Variants in INPP4B observed in about 807,000 individuals in gnomAD.
INPP4B encodes inositol polyphosphate 4-phosphatase type II.
Under a neutral mutation model 122.5 loss-of-function variants are expected in INPP4B, and 55 were observed. That is an observed-to-expected ratio of 0.45 (90% CI 0.36 to 0.56). INPP4B has a LOEUF of 0.56. INPP4B is among the 20% of genes least tolerant of loss of function. The pLI is 0.00. For synonymous variants in INPP4B, 403 were observed against 388.7 expected, an observed-to-expected ratio of 1.04 and a Z score of -0.43; for missense variants, 1,000 against 1,097.7, an observed-to-expected ratio of 0.91 and a Z score of 1.26.
At chr4:142,433,807 G>A (rs1809848116) in intron 3 of INPP4B, among the ~76,000 whole-genome samples, 1 of 152,146 alleles carries the variant, frequency 6.6e-6, no homozygotes, top group South Asian at 2.1e-4. Flanking sequence ...GTGTTAAGGA[G>A]AATGCCCTTA....
intron 2 of INPP4B, among the ~76,000 whole-genome samples, chr4:142,629,961 A>G (rs1019858695): frequency 4.6e-5 from 7 of 152,118 alleles, no homozygotes; most frequent in African/African-American, 1.7e-4. Context: ...GTGATGATCC[A>G]AAGACAGGCA....
intron 21 of INPP4B, among the ~76,000 whole-genome samples, chr4:142,115,681 C>G (rs941147951): frequency 2.0e-5 from 3 of 152,154 alleles, no homozygotes; most frequent in African/African-American, 7.2e-5. Context: ...TGGAAAGGAA[C>G]AACTGGTAGC....
At chr4:142,743,500 C>T (rs545772777) in intron 1 of INPP4B, among the ~76,000 whole-genome samples, 2 of 151,996 alleles carry the variant, frequency 1.3e-5, no homozygotes, top group African/African-American at 4.8e-5. Flanking sequence ...AGAGTTACTG[C>T]TACTGATTGA....
At chr4:142,427,697 G>A (rs1040789791) in intron 5 of INPP4B, among the ~76,000 whole-genome samples, 1 of 151,942 alleles carries the variant, frequency 6.6e-6, no homozygotes, top group Non-Finnish European at 1.5e-5. Context: ...TCTCCAGCAG[G>A]CAAACAAGAA....
intron 2 of INPP4B, among the ~76,000 whole-genome samples, chr4:142,717,738 C>T (rs1044755367): frequency 8.6e-5 from 13 of 150,718 alleles, no homozygotes; most frequent in African/African-American, 3.2e-4. Flanking sequence ...CGGGGCCTGT[C>T]GTGGGGTGGG....
At chr4:142,277,577 G>A (rs929034918) in intron 9 of INPP4B, among the ~76,000 whole-genome samples, 5 of 151,534 alleles carry the variant, frequency 3.3e-5, no homozygotes, top group Non-Finnish European at 7.4e-5. Context: ...ATACTTGCAC[G>A]TGCATGTTTA....
At chr4:142,359,792 C>T (rs570948966) in intron 7 of INPP4B, among the ~76,000 whole-genome samples, 1 of 151,936 alleles carries the variant, frequency 6.6e-6, no homozygotes, top group South Asian at 2.1e-4. Context: ...TTTTGGTATC[C>T]CATACTTACT....
chr4:142,668,088 C>G (rs1756418573), intron 2 of INPP4B, among the ~76,000 whole-genome samples: 1 of 152,058 alleles, frequency 6.6e-6, no homozygotes, highest in African/African-American at 2.4e-5. Flanking sequence ...AAAAGGAAAA[C>G]TACAGGCCAA....
intron 1 of INPP4B, among the ~76,000 whole-genome samples, chr4:142,813,137 C>A (rs1779718905): frequency 6.6e-6 from 1 of 152,142 alleles, no homozygotes. Flanking sequence ...TTTCTAAACC[C>A]AGCAAAGAGA....
chr4:142,149,970 G>A (rs1026361698), intron 17 of INPP4B, among the ~76,000 whole-genome samples: 3 of 152,206 alleles, frequency 2.0e-5, no homozygotes, highest in African/African-American at 4.8e-5. Flanking sequence ...TTGAAACTAC[G>A]ATGCTAGAGA....
intron 7 of INPP4B, among the ~76,000 whole-genome samples, chr4:142,332,832 G>A (rs1775079518): frequency 6.8e-6 from 1 of 147,460 alleles, no homozygotes; most frequent in East Asian, 2.0e-4. Context: ...GCGAAATCCC[G>A]TCTCTACTAA....
At chr4:142,076,099 A>C (rs1233773712) in intron 25 of INPP4B, among the ~76,000 whole-genome samples, 2 of 152,050 alleles carry the variant, frequency 1.3e-5, no homozygotes, top group Non-Finnish European at 2.9e-5. Context: ...CTCCACACTC[A>C]CAGGGTCTCA....
At chr4:142,232,044 G>T (rs1223722034) in intron 12 of INPP4B, among the ~76,000 whole-genome samples, 3 of 152,100 alleles carry the variant, frequency 2.0e-5, no homozygotes, top group Non-Finnish European at 4.4e-5. Flanking sequence ...TATTACAATG[G>T]CAGAGCTAAG....
intron 23 of INPP4B, among the ~76,000 whole-genome samples, chr4:142,091,772 T>C (rs1779663335): frequency 6.6e-6 from 1 of 152,220 alleles, no homozygotes; most frequent in African/African-American, 2.4e-5. Context: ...AGGGTATTAA[T>C]AAGTAAACAG....
chr4:142,792,759 C>G (rs1776730974), intron 1 of INPP4B, among the ~76,000 whole-genome samples: 2 of 152,074 alleles, frequency 1.3e-5, no homozygotes, highest in Admixed American at 1.3e-4. Flanking sequence ...GATGGATTCT[C>G]TCCACATCAT....
At position 142,501,420 on chromosome 4, in the gene INPP4B, G is replaced by A. The variant is rs184218555; in HGVS notation, c.-190-38694C>T. Among the ~76,000 whole-genome samples the A allele has an allele frequency of 6.1e-3, 932 of 152,238 alleles. 9 individuals are homozygous for A. Among genetic ancestry groups the A allele is most frequent in the Non-Finnish European group, 0.011 (746 of 68,008 alleles). On this transcript the variant is annotated intron_variant, in intron 2 of 25. Coordinates refer to ENST00000262992, the MANE Select transcript of INPP4B (RefSeq NM_001101669.3). ...TGGAAATTGGAATAAAATCCCACTT[G>A]ATTTCCAAACTAAAGACTTTATTAA...
At chr4:142,537,262 G>C (rs1828309386) in intron 2 of INPP4B, among the ~76,000 whole-genome samples, 1 of 151,614 alleles carries the variant, frequency 6.6e-6, no homozygotes, top group African/African-American at 2.4e-5. Context: ...TAAAATGTGA[G>C]AATGGATGGA....
chr4:142,116,005 T>A (rs1323232111), intron 21 of INPP4B, among the ~76,000 whole-genome samples: 1 of 152,034 alleles, frequency 6.6e-6, no homozygotes, highest in East Asian at 1.9e-4. Flanking sequence ...AGGCAGGGGT[T>A]GCAATCCTAG....
At chr4:142,599,459 T>C (rs1479501884) in intron 2 of INPP4B, among the ~76,000 whole-genome samples, 2 of 152,310 alleles carry the variant, frequency 1.3e-5, no homozygotes, top group African/African-American at 2.4e-5. Flanking sequence ...GAATATGCTA[T>C]GGCACACAGC....
Sources: gnomAD v4.1 joint callset for allele counts (sites outside exome capture counted in the v4.1 genomes callset) on GRCh38, gnomAD v4.1.1 for gene constraint, MANE v1.5 for transcripts, NCBI Gene and HGNC (gene_info 2026-07-23, HGNC 2026-07-21) for gene names.